Variants in CMSS1 observed in about 807,000 individuals in gnomAD.
The protein encoded by CMSS1 is protein CMSS1.
A neutral mutation model predicts 43.5 loss-of-function variants in CMSS1; 33 were observed. The observed-to-expected ratio is 0.76, with a 90% confidence interval of 0.57 to 1.01. The LOEUF is 1.01. Among genes scored for constraint, CMSS1 ranks in the 50% least tolerant of loss-of-function variants. CMSS1 has a pLI of 0.00. For synonymous variants in CMSS1, 115 were observed against 117.2 expected (o/e 0.98, Z 0.12); for missense variants, 313 against 326.4 (o/e 0.96, Z 0.32).
intron 1 of CMSS1, among the ~76,000 whole-genome samples, chr3:99,906,402 G>C (rs1286063384): frequency 6.6e-6 from 1 of 152,010 alleles, no homozygotes; most frequent in Non-Finnish European, 1.5e-5. Flanking sequence ...TGGTTTATAG[G>C]AGTTGTTCAT....
At chr3:100,057,760 G>C (rs1051438170) in intron 1 of CMSS1, among the ~76,000 whole-genome samples, 11 of 152,138 alleles carry the variant, frequency 7.2e-5, no homozygotes, top group Non-Finnish European at 1.5e-4. Flanking sequence ...AGCGTGGCTG[G>C]CTCAGCATAA....
intron 1 of CMSS1, among the ~76,000 whole-genome samples, chr3:100,029,390 A>C (rs1364336152): frequency 1.3e-5 from 2 of 151,750 alleles, no homozygotes; most frequent in Non-Finnish European, 2.9e-5. Context: ...CAGTCTTCTT[A>C]ATTGTATCCA....
chr3:100,014,801 CT>C (rs1029929043), intron 1 of CMSS1, among the ~76,000 whole-genome samples: 17 of 112,640 alleles, frequency 1.5e-4, no homozygotes, highest in Middle Eastern at 5.7e-3. Context: ...CATCTTCATT[CT>C]ATTGATTTTT....
At chr3:100,006,488 T>C (rs189241293) in intron 1 of CMSS1, among the ~76,000 whole-genome samples, 1 of 152,246 alleles carries the variant, frequency 6.6e-6, no homozygotes, top group African/African-American at 2.4e-5. Context: ...TCATCTATAA[T>C]TTTCTGCCCC....
intron 1 of CMSS1, among the ~76,000 whole-genome samples, chr3:99,972,437 C>T (rs777472889): frequency 1.3e-5 from 2 of 152,210 alleles, no homozygotes; most frequent in African/African-American, 2.4e-5. Context: ...GAAACGTCCC[C>T]GTCCCCATTT....
intron 1 of CMSS1, among the ~76,000 whole-genome samples, chr3:100,012,672 G>A (rs536023210): frequency 2.2e-4 from 34 of 151,934 alleles, no homozygotes; most frequent in Admixed American, 9.2e-4. Flanking sequence ...AGACATACAT[G>A]GTTGCCCCAA....
rs149950093 is a variant in CMSS1 at position 99,840,672 on chromosome 3, A to G, written c.64+22629A>G. Among the ~76,000 whole-genome samples the G allele has an allele frequency of 3.3e-5, 5 of 152,314 alleles. No homozygotes were observed. The East Asian group carries it at 9.6e-4, about 29-fold the overall frequency. On this transcript the variant is annotated intron_variant, in intron 1 of 9. Coordinates refer to ENST00000421999, the MANE Select transcript of CMSS1 (RefSeq NM_032359.4). The stretch of plus-strand genomic sequence containing the variant: ...ACTTTATTTCCCAAAAGGAATTTTA[A>G]ATGATTTAAGGAGGGTGGCAAGACT...
At chr3:99,981,124 G>A (rs1189346109) in intron 1 of CMSS1, among the ~76,000 whole-genome samples, 1 of 152,176 alleles carries the variant, frequency 6.6e-6, no homozygotes, top group African/African-American at 2.4e-5. Flanking sequence ...CTCTGTCCGA[G>A]CATTGTGCCA....
At chr3:99,925,942 A>G in intron 1 of CMSS1, 1 of 938,524 alleles carries the variant, frequency 1.1e-6, no homozygotes, top group African/African-American at 1.8e-5. Flanking sequence ...GGCAAGAGCT[A>G]ACTCGGGATC....
chr3:99,973,024 G>A (rs1310929879), intron 1 of CMSS1, among the ~76,000 whole-genome samples: 2 of 152,120 alleles, frequency 1.3e-5, no homozygotes, highest in Non-Finnish European at 2.9e-5. Flanking sequence ...ACCACTAAAA[G>A]CTCCCCTTTT....
At chr3:99,983,505 T>C (rs1709232060) in intron 1 of CMSS1, among the ~76,000 whole-genome samples, 1 of 105,894 alleles carries the variant, frequency 9.4e-6, no homozygotes, top group African/African-American at 4.1e-5. Context: ...TATATATATA[T>C]ATATGTATAT....
At chr3:100,147,874 A>G (rs564269060) in intron 2 of CMSS1, among the ~76,000 whole-genome samples, 1 of 152,244 alleles carries the variant, frequency 6.6e-6, no homozygotes, top group Middle Eastern at 3.4e-3. Flanking sequence ...CTTTTTTCCT[A>G]AACTTGTGAC....
chr3:100,132,642 A>AC (rs1294991810), intron 1 of CMSS1, among the ~76,000 whole-genome samples: 1 of 151,724 alleles, frequency 6.6e-6, no homozygotes, highest in Non-Finnish European at 1.5e-5. Context: ...ACATGGTGAA[A>AC]CCCCGTCTCT....
chr3:99,982,688 T>G (rs76069801), intron 1 of CMSS1, among the ~76,000 whole-genome samples: 2,237 of 152,252 alleles, frequency 0.015, 56 homozygotes, highest in African/African-American at 0.052. Flanking sequence ...ACTGAAGTGC[T>G]TAATCATGGA....
At chr3:99,828,159 T>A (rs983565704) in intron 1 of CMSS1, among the ~76,000 whole-genome samples, 2 of 152,224 alleles carry the variant, frequency 1.3e-5, no homozygotes, top group Non-Finnish European at 2.9e-5. Context: ...TCAACCTGTT[T>A]GGTTTTCACT....
At chr3:100,006,261 C>G (rs559553573) in intron 1 of CMSS1, among the ~76,000 whole-genome samples, 38 of 152,178 alleles carry the variant, frequency 2.5e-4, no homozygotes, top group Non-Finnish European at 4.9e-4. Flanking sequence ...ATCTTTGGCT[C>G]TTATTTAAAT....
chr3:100,108,612 A>G (rs989357546), intron 1 of CMSS1, among the ~76,000 whole-genome samples: 1 of 152,180 alleles, frequency 6.6e-6, no homozygotes, highest in Non-Finnish European at 1.5e-5. Context: ...TCCTCACTGT[A>G]TTCTAGTGGT....
intron 1 of CMSS1, among the ~76,000 whole-genome samples, chr3:99,829,511 A>G (rs1483521684): frequency 6.6e-6 from 1 of 152,184 alleles, no homozygotes; most frequent in Non-Finnish European, 1.5e-5. Context: ...GGACCTGAGG[A>G]ATTATTTCAC....
At chr3:100,168,741 T>TG (rs898422756) in intron 6 of CMSS1, among the ~76,000 whole-genome samples, 4 of 144,680 alleles carry the variant, frequency 2.8e-5, no homozygotes, top group African/African-American at 1.0e-4. Context: ...AATTGTGTTG[T>TG]TTTTTTTTTT....
Sources: gnomAD v4.1 joint callset for allele counts (sites outside exome capture counted in the v4.1 genomes callset) on GRCh38, gnomAD v4.1.1 for gene constraint, MANE v1.5 for transcripts, NCBI Gene and HGNC (gene_info 2026-07-23, HGNC 2026-07-21) for gene names.